The following ACVR2A variants were observed in gnomAD, a reference collection of about 807,000 sequenced individuals.
The protein encoded by ACVR2A is activin receptor type-2A.
ACVR2A carries 7 observed loss-of-function variants against 61.4 expected under a neutral mutation model. The observed-to-expected ratio is 0.11, with a 90% CI of 0.06 to 0.21. ACVR2A has a LOEUF of 0.21. Ranked by LOEUF, ACVR2A falls within the 10% of genes least tolerant of loss-of-function variation. ACVR2A has a pLI of 1.00. For missense variants in ACVR2A, 322 were observed against 621.7 expected (o/e 0.52, Z 5.13); for synonymous variants, 193 against 208.3 (o/e 0.93, Z 0.63).
chr2:147,898,459 C>T (rs1333977658), intron 2 of ACVR2A: 2 of 151,914 alleles, frequency 1.3e-5, no homozygotes, highest in Non-Finnish European at 2.9e-5. Context: ...ATTTAGCTTT[C>T]ATTTATCTTT....
At chr2:147,867,327 A>G (rs1361722527) in intron 1 of ACVR2A, among the ~76,000 whole-genome samples, 1 of 152,198 alleles carries the variant, frequency 6.6e-6, no homozygotes, top group African/African-American at 2.4e-5. Flanking sequence ...TCTGTGCTTA[A>G]GAGTTGAGTT....
chr2:147,902,901 T>C (rs1482203238), intron 4 of ACVR2A: 1 of 151,998 alleles, frequency 6.6e-6, no homozygotes, highest in Non-Finnish European at 1.5e-5. Flanking sequence ...TCCTCTGGAT[T>C]CTTTAAGTGC....
intron 1 of ACVR2A, among the ~76,000 whole-genome samples, chr2:147,857,814 A>G (rs1253244480): frequency 6.6e-6 from 1 of 151,220 alleles, no homozygotes; most frequent in African/African-American, 2.4e-5. Context: ...ACATAAACAT[A>G]TATACATGCG....
rs148171495 is a variant in ACVR2A, at chr2:147,928,121, C to CCAT, written c.*849_*851dup. The CCAT allele has an allele frequency of 0.015, 2,207 of 152,140 alleles. 29 individuals are homozygous for CCAT. The highest frequency in any genetic ancestry group is 0.023 in the Non-Finnish European group (1,568 of 67,814). The allele number at this position is 152,140 out of a possible 1,614,324, so 9.4% of individuals were successfully genotyped here. ...CCCCTTCTTCCCATGTTTTAAAGCC[C>CCAT]CATCTTATATCCAGTTCCCAAAATT... On this transcript the variant is annotated 3_prime_UTR_variant, in exon 11 of 11. Transcript: ENST00000241416.
At chr2:147,866,355 A>T (rs1284018641) in intron 1 of ACVR2A, among the ~76,000 whole-genome samples, 1 of 152,144 alleles carries the variant, frequency 6.6e-6, no homozygotes, top group Non-Finnish European at 1.5e-5. Context: ...GCATGGAGAT[A>T]TTGTTAAAAT....
intron 1 of ACVR2A, among the ~76,000 whole-genome samples, chr2:147,872,799 T>TACC (rs1686057398): frequency 6.6e-6 from 1 of 151,868 alleles, no homozygotes; most frequent in African/African-American, 2.4e-5. Context: ...TTTTCCTTTG[T>TACC]TAGAGGTAGC....
chr2:147,889,587 A>T (rs1265735947), intron 1 of ACVR2A, among the ~76,000 whole-genome samples: 1 of 151,888 alleles, frequency 6.6e-6, no homozygotes, highest in East Asian at 1.9e-4. Context: ...CACTAAAAAT[A>T]CAAAAAAAAA....
chr2:147,888,680 TC>T (rs1686502537), intron 1 of ACVR2A, among the ~76,000 whole-genome samples: 1 of 130,848 alleles, frequency 7.6e-6, no homozygotes. Flanking sequence ...TGCTGCTGCT[TC>T]TTTTTTTTTT....
intron 4 of ACVR2A, among the ~76,000 whole-genome samples, chr2:147,908,319 A>T (rs1483857108): frequency 1.3e-5 from 2 of 152,194 alleles, no homozygotes; most frequent in African/African-American, 2.4e-5. Flanking sequence ...GAGAATGGGC[A>T]TACCTACGTT....
At chr2:147,923,464 C>T (rs953911580) in intron 9 of ACVR2A, among the ~76,000 whole-genome samples, 4 of 151,970 alleles carry the variant, frequency 2.6e-5, no homozygotes, top group Admixed American at 2.0e-4. Context: ...AATGATGAAA[C>T]CTAGATTTGA....
chr2:147,908,313 A>G (rs1687038583), intron 4 of ACVR2A, among the ~76,000 whole-genome samples: 1 of 152,180 alleles, frequency 6.6e-6, no homozygotes, highest in African/African-American at 2.4e-5. Flanking sequence ...CAAAAAGAGA[A>G]TGGGCATACC....
At chr2:147,920,769 G>C (rs184311554) in intron 8 of ACVR2A, among the ~76,000 whole-genome samples, 247 of 152,154 alleles carry the variant, frequency 1.6e-3, no homozygotes, top group African/African-American at 5.6e-3. Flanking sequence ...ATAGTTTATT[G>C]CTTCTTGTTG....
At chr2:147,924,655 GGATAGTGTGAGCATT>G (rs1488163303) in intron 9 of ACVR2A, among the ~76,000 whole-genome samples, 1 of 151,868 alleles carries the variant, frequency 6.6e-6, no homozygotes, top group African/African-American at 2.4e-5. Flanking sequence ...GGGGTAGAGA[GGATAGTGTGAGCATT>G]GATTGCTAAA....
At chr2:147,902,423 T>A (rs1351414713) in intron 4 of ACVR2A, among the ~76,000 whole-genome samples, 4 of 152,006 alleles carry the variant, frequency 2.6e-5, no homozygotes, top group Admixed American at 2.6e-4. Flanking sequence ...TTCAGTAAAC[T>A]TTTCTGCCAT....
intron 1 of ACVR2A, among the ~76,000 whole-genome samples, chr2:147,860,426 G>C (rs1411250347): frequency 6.6e-6 from 1 of 152,038 alleles, no homozygotes. Flanking sequence ...GTGGAAACTG[G>C]TAGCTTTGAT....
chr2:147,916,128 T>TTTACCTCCTCTGTTCAATC (rs1271760127), intron 5 of ACVR2A, among the ~76,000 whole-genome samples: 3 of 151,930 alleles, frequency 2.0e-5, no homozygotes, highest in Non-Finnish European at 4.4e-5. Context: ...TTTTAACCTT[T>TTTACCTCCTCTGTTCAATC]TTACCTCCTC....
chr2:147,902,772 G>C (rs1686901056), intron 4 of ACVR2A: 1 of 151,956 alleles, frequency 6.6e-6, no homozygotes, highest in Non-Finnish European at 1.5e-5. Context: ...GTAGGAGAGA[G>C]ATATTTGAAG....
At chr2:147,900,765 C>T (rs895140702) in intron 4 of ACVR2A, among the ~76,000 whole-genome samples, 21 of 152,010 alleles carry the variant, frequency 1.4e-4, no homozygotes, top group African/African-American at 4.8e-4. Context: ...CTTAAGATCA[C>T]ATTACCTCAG....
intron 1 of ACVR2A, among the ~76,000 whole-genome samples, chr2:147,882,065 T>G (rs1400540407): frequency 6.6e-6 from 1 of 152,188 alleles, no homozygotes; most frequent in East Asian, 1.9e-4. Flanking sequence ...ACTCTAAAAC[T>G]TTTATGTTGA....
Sources: allele counts gnomAD v4.1 joint callset (sites outside exome capture counted in the v4.1 genomes callset), GRCh38; gene constraint gnomAD v4.1.1; transcripts MANE v1.5; gene names NCBI Gene and HGNC (gene_info 2026-07-23, HGNC 2026-07-21).